The following LMBRD2 variants were observed in gnomAD, a reference collection of about 807,000 sequenced individuals.
The protein encoded by LMBRD2 is G protein-coupled receptor-associated protein LMBRD2.
LMBRD2 carries 55 observed loss-of-function variants against 94.4 expected under a neutral mutation model. The ratio of observed to expected loss-of-function variants is 0.58; its 90% CI spans 0.47 to 0.73. LMBRD2 has a LOEUF of 0.73. LMBRD2 is among the 30% of genes least tolerant of loss of function. The pLI, the probability that LMBRD2 is intolerant of heterozygous loss-of-function variation, is 0.00. For synonymous variants in LMBRD2, 246 were observed against 272.4 expected, an observed-to-expected ratio of 0.90 and a Z score of 0.95; for missense variants, 640 against 831.9, an observed-to-expected ratio of 0.77 and a Z score of 2.84.
chr5:36,148,338 C>G (rs564245637), intron 1 of LMBRD2, among the ~76,000 whole-genome samples: 5 of 151,746 alleles, frequency 3.3e-5, no homozygotes, highest in African/African-American at 1.2e-4. Flanking sequence ...CAAAATGTGA[C>G]AAGCCCCTGA....
At chr5:36,136,779 AC>A in intron 5 of LMBRD2, among the ~76,000 whole-genome samples, 1 of 152,344 alleles carries the variant, frequency 6.6e-6, no homozygotes, top group East Asian at 1.9e-4. Flanking sequence ...TCTCAGGAAT[AC>A]AATAGTGAGA....
intron 6 of LMBRD2, among the ~76,000 whole-genome samples, chr5:36,128,874 T>C (rs1317910967): frequency 6.6e-6 from 1 of 152,180 alleles, no homozygotes; most frequent in Admixed American, 6.5e-5. Context: ...TTCAGAATCA[T>C]ATCAGGTAAA....
chr5:36,135,713 T>C (rs1744255995), intron 6 of LMBRD2, among the ~76,000 whole-genome samples: 1 of 152,202 alleles, frequency 6.6e-6, no homozygotes, highest in Admixed American at 6.5e-5. Context: ...ACAAAATTTT[T>C]ATTTAACACA....
intron 13 of LMBRD2, 86 bp from the exon 14 acceptor site, chr5:36,111,344 A>G (rs1743601141): frequency 3.4e-6 from 3 of 874,732 alleles, no homozygotes; most frequent in Non-Finnish European, 5.6e-6. Flanking sequence ...TTGTCACTCC[A>G]AAAGAAGACT....
At chr5:36,140,891 G>A in intron 4 of LMBRD2, 1 of 359,162 alleles carries the variant, frequency 2.8e-6, no homozygotes, top group Non-Finnish European at 5.0e-6. Flanking sequence ...AATGTTCAGT[G>A]CCTCCAGTTT....
Position 36,142,559 on chromosome 5 carries a change from C to T in LMBRD2, c.215G>A (p.Ser72Asn). 1 of 1,611,756 alleles carries T rather than the reference C, an allele frequency of 6.2e-7. No homozygotes were observed. The highest frequency in any genetic ancestry group is 8.5e-7 in the Non-Finnish European group (1 of 1,178,008). Residue 72 changes from serine to asparagine, a missense_variant, in exon 3 of 18, where the codon AGC becomes AAC. By Grantham distance (46) the Ser-to-Asn change is conservative. Transcript: ENST00000296603. ...NRCKHAAANS[S>N]PPENSNITGL... The stretch of plus-strand genomic sequence containing the variant: ...TGTAATGTTGCTATTCTCAGGAGGG[C>T]TTGAATTTGCAGCAGCATGCTTGCA...
chr5:36,108,509 G>A, intron 16 of LMBRD2, 25 bp downstream of exon 16: 1 of 1,238,144 alleles, frequency 8.1e-7, no homozygotes, highest in Non-Finnish European at 1.2e-6. Context: ...CAATTTCCAA[G>A]TGAACTAGAA....
In LMBRD2 at chr5:36,098,730, G is replaced by T. The variant is rs1365377991; in HGVS notation, c.*5316C>A. ...CCAAACTGAGCGAACACTATGCATA[G>T]ATAAGGCCAAAGTTACTAATTTGCT... On this transcript the variant is annotated 3_prime_UTR_variant, in exon 18 of 18. Coordinates refer to ENST00000296603, the MANE Select transcript of LMBRD2 (RefSeq NM_001007527.2). 6.6e-6 allele frequency: 1 copy of T among 152,062 alleles called. No individual in the cohort carries two copies. The highest frequency in any genetic ancestry group is 2.4e-5 in the African/African-American group (1 of 41,454). 9.4% of individuals were successfully genotyped at this position (152,062 alleles called of 1,614,324 possible).
At chr5:36,150,552 G>T (rs1211656477) in intron 1 of LMBRD2, among the ~76,000 whole-genome samples, 2 of 152,174 alleles carry the variant, frequency 1.3e-5, no homozygotes, top group Non-Finnish European at 2.9e-5. Context: ...AATCTTCAGG[G>T]AAAGGACGTA....
intron 5 of LMBRD2, among the ~76,000 whole-genome samples, 162 bp downstream of exon 5, chr5:36,137,112 G>C (rs1744289896): frequency 6.6e-6 from 1 of 151,920 alleles, no homozygotes; most frequent in South Asian, 2.1e-4. Flanking sequence ...TATTTTCTTA[G>C]TAATATGGAT....
rs550414081 is a variant in LMBRD2 at position 36,112,965 on chromosome 5, C to T, written c.1640+1459G>A. 4.6e-5 allele frequency among the ~76,000 whole-genome samples: 7 copies of T among 152,218 alleles called. No individual in the cohort carries two copies. The South Asian group carries it at 1.5e-3, about 32-fold the overall frequency. ...TCACACTGTAGATCTGTTACTGTCT[C>T]CACCTAAAGAAAACACTAAAAATAT... is the stretch of plus-strand genomic sequence containing the variant. On this transcript the variant is annotated intron_variant, in intron 13 of 17. Coordinates refer to ENST00000296603, the MANE Select transcript of LMBRD2 (RefSeq NM_001007527.2).
intron 6 of LMBRD2, among the ~76,000 whole-genome samples, chr5:36,135,194 C>T (rs1361204612): frequency 1.3e-5 from 2 of 152,174 alleles, no homozygotes; most frequent in Admixed American, 6.5e-5. Context: ...GCTCTTATCA[C>T]TTCCTAGCCA....
At chr5:36,123,440 C>G (rs967480566) in intron 7 of LMBRD2, among the ~76,000 whole-genome samples, 2 of 152,072 alleles carry the variant, frequency 1.3e-5, no homozygotes, top group Non-Finnish European at 2.9e-5. Flanking sequence ...GTTAACCTCT[C>G]TTAGTAGTTC....
At chr5:36,149,971 C>A (rs954453722) in intron 1 of LMBRD2, among the ~76,000 whole-genome samples, 2 of 152,154 alleles carry the variant, frequency 1.3e-5, no homozygotes, top group Non-Finnish European at 2.9e-5. Flanking sequence ...CAATGCAGTT[C>A]TTTATGACCA....
At chr5:36,106,810 G>A (rs1743483920) in intron 16 of LMBRD2, among the ~76,000 whole-genome samples, 1 of 151,948 alleles carries the variant, frequency 6.6e-6, no homozygotes, top group Non-Finnish European at 1.5e-5. Context: ...CCAAACATTG[G>A]AGAATGACAA....
intron 15 of LMBRD2, among the ~76,000 whole-genome samples, chr5:36,109,604 A>G (rs1465552295): frequency 6.6e-6 from 1 of 152,066 alleles, no homozygotes; most frequent in African/African-American, 2.4e-5. Flanking sequence ...CCAAAAAAAG[A>G]GAAACAATTT....
At chr5:36,129,645 A>C (rs1359156163) in intron 6 of LMBRD2, among the ~76,000 whole-genome samples, 1 of 152,222 alleles carries the variant, frequency 6.6e-6, no homozygotes, top group African/African-American at 2.4e-5. Flanking sequence ...AAGGACATTG[A>C]TGAGCAATAA....
intron 9 of LMBRD2, among the ~76,000 whole-genome samples, chr5:36,120,346 T>G (rs1461214510): frequency 1.3e-5 from 2 of 152,008 alleles, no homozygotes; most frequent in Non-Finnish European, 2.9e-5. Context: ...CACTGCAACC[T>G]CCGCCTCCTG....
intron 6 of LMBRD2, among the ~76,000 whole-genome samples, chr5:36,132,005 C>A (rs984539717): frequency 1.3e-5 from 2 of 152,072 alleles, no homozygotes; most frequent in African/African-American, 4.8e-5. Context: ...GCCTCAACTG[C>A]CAAAGCTATC....
Sources: gnomAD v4.1 joint callset for allele counts (sites outside exome capture counted in the v4.1 genomes callset) on GRCh38, gnomAD v4.1.1 for gene constraint, MANE v1.5 for transcripts, NCBI Gene and HGNC (gene_info 2026-07-23, HGNC 2026-07-21) for gene names.